Variants in SPOCK3 observed in about 807,000 individuals in gnomAD.
The protein encoded by SPOCK3 is testican-3.
A neutral mutation model predicts 56.6 loss-of-function variants in SPOCK3; 30 were observed. The observed-to-expected ratio is 0.53, with a 90% CI of 0.40 to 0.72. The LOEUF (loss-of-function observed/expected upper bound fraction) is 0.72. Among genes scored for constraint, SPOCK3 ranks in the 30% least tolerant of loss-of-function variants. The pLI, the probability that SPOCK3 is intolerant of heterozygous loss-of-function variation, is 0.00. For synonymous variants in SPOCK3, 196 were observed against 183.3 expected (o/e 1.07, Z -0.56); for missense variants, 527 against 530.0 (o/e 0.99, Z 0.06).
chr4:166,793,698 G>T (rs1741595263), intron 6 of SPOCK3, among the ~76,000 whole-genome samples: 1 of 152,118 alleles, frequency 6.6e-6, no homozygotes, highest in Non-Finnish European at 1.5e-5. Flanking sequence ...AAACTTCCAT[G>T]GGGGAAGGTA....
intron 7 of SPOCK3, among the ~76,000 whole-genome samples, chr4:166,763,662 G>A (rs1323355890): frequency 6.6e-6 from 1 of 151,986 alleles, no homozygotes; most frequent in Non-Finnish European, 1.5e-5. Flanking sequence ...GCTGGGGTAG[G>A]GAGGGTAGTG....
At chr4:166,949,112 C>G (rs1057457106) in intron 4 of SPOCK3, among the ~76,000 whole-genome samples, 4 of 152,164 alleles carry the variant, frequency 2.6e-5, no homozygotes, top group African/African-American at 9.7e-5. Context: ...ATCGCTGATA[C>G]CCTTTCTTCC....
Position 167,062,547 on chromosome 4 carries a change from A to G in SPOCK3, c.190-10T>C, listed in dbSNP as rs751224117. The stretch of plus-strand genomic sequence containing the variant: ...TGCGGAAATAATCATCCTAAGGGGG[A>G]AAATAATGTGAATTGAGTGTATACA... On this transcript the variant is annotated splice_polypyrimidine_tract_variant and intron_variant, in intron 2 of 10. Coordinates refer to ENST00000357545, the MANE Select transcript of SPOCK3 (RefSeq NM_001040159.2). 6.3e-7 allele frequency: 1 copy of G among 1,599,460 alleles called. No individual in the cohort carries two copies. The highest frequency in any genetic ancestry group is 8.6e-7 in the Non-Finnish European group (1 of 1,169,084).
At chr4:167,055,711 G>A (rs922358128) in intron 3 of SPOCK3, among the ~76,000 whole-genome samples, 4 of 152,222 alleles carry the variant, frequency 2.6e-5, no homozygotes. Flanking sequence ...TAGCACAGCA[G>A]TCTGAGATCA....
intron 5 of SPOCK3, among the ~76,000 whole-genome samples, chr4:166,897,133 A>G (rs1735479426): frequency 1.3e-5 from 2 of 152,048 alleles, no homozygotes; most frequent in Non-Finnish European, 2.9e-5. Context: ...ATTGTATCAG[A>G]TTTTCCAGGA....
intron 6 of SPOCK3, among the ~76,000 whole-genome samples, chr4:166,880,191 A>AGTTACTACTGATATTCTATAT (rs1685613552): frequency 1.3e-5 from 2 of 152,178 alleles, no homozygotes; most frequent in South Asian, 4.1e-4. Context: ...CTTTTTCTAT[A>AGTTACTACTGATATTCTATAT]GTTACTACTG....
intron 6 of SPOCK3, among the ~76,000 whole-genome samples, chr4:166,867,624 T>C (rs970713498): frequency 6.9e-6 from 1 of 145,946 alleles, no homozygotes; most frequent in African/African-American, 2.4e-5. Flanking sequence ...GTAAAAATAA[T>C]TAATTACAGG....
intron 6 of SPOCK3, among the ~76,000 whole-genome samples, chr4:166,880,738 C>G (rs1223166911): frequency 6.6e-6 from 1 of 152,114 alleles, no homozygotes; most frequent in Non-Finnish European, 1.5e-5. Context: ...ATTTAGCTTC[C>G]TAAACATTTC....
intron 2 of SPOCK3, among the ~76,000 whole-genome samples, chr4:167,144,694 G>A (rs116681100): frequency 0.017 from 2,511 of 148,818 alleles, 65 homozygotes; most frequent in African/African-American, 0.058. Context: ...TGAAAGAAAT[G>A]TGAAGGACAG....
chr4:166,778,790 C>T (rs544652524), intron 7 of SPOCK3, among the ~76,000 whole-genome samples: 6 of 151,478 alleles, frequency 4.0e-5, no homozygotes, highest in African/African-American at 1.2e-4. Context: ...TTGTAGTCTG[C>T]GTGTTGAGGA....
intron 4 of SPOCK3, among the ~76,000 whole-genome samples, chr4:166,963,726 A>G (rs1489380039): frequency 6.6e-6 from 1 of 152,134 alleles, no homozygotes; most frequent in East Asian, 1.9e-4. Context: ...GCCTTTGGCT[A>G]ACATTATTTA....
At chr4:167,001,015 T>G (rs1223198502) in intron 3 of SPOCK3, among the ~76,000 whole-genome samples, 1 of 152,194 alleles carries the variant, frequency 6.6e-6, no homozygotes, top group East Asian at 1.9e-4. Flanking sequence ...TTTACATCAT[T>G]TGTGCATAAT....
At chr4:167,103,353 G>C (rs771139427) in intron 2 of SPOCK3, among the ~76,000 whole-genome samples, 5 of 152,046 alleles carry the variant, frequency 3.3e-5, no homozygotes, top group Non-Finnish European at 5.9e-5. Context: ...GTCTGCCCTG[G>C]ACCAGAGGGT....
At chr4:167,048,772 T>C (rs1328905147) in intron 3 of SPOCK3, among the ~76,000 whole-genome samples, 1 of 152,162 alleles carries the variant, frequency 6.6e-6, no homozygotes, top group East Asian at 1.9e-4. Context: ...GCAGTCATAG[T>C]ATATTTATTT....
intron 2 of SPOCK3, among the ~76,000 whole-genome samples, chr4:167,105,844 T>C (rs1461579479): frequency 2.0e-5 from 3 of 151,820 alleles, no homozygotes; most frequent in Non-Finnish European, 4.4e-5. Flanking sequence ...GGAGTAGTTA[T>C]ATAAGACAAA....
At chr4:166,894,065 TA>T (rs1735079614) in intron 5 of SPOCK3, among the ~76,000 whole-genome samples, 1 of 152,078 alleles carries the variant, frequency 6.6e-6, no homozygotes, top group Non-Finnish European at 1.5e-5. Context: ...CACAGGAAGT[TA>T]AACATAGTAA....
At chr4:167,068,304 A>G (rs1236958544) in intron 2 of SPOCK3, among the ~76,000 whole-genome samples, 1 of 146,238 alleles carries the variant, frequency 6.8e-6, no homozygotes, top group Non-Finnish European at 1.5e-5. Flanking sequence ...CTCTGATTTC[A>G]ACTCTGACTT....
At chr4:166,954,289 C>T (rs1743114796) in intron 4 of SPOCK3, among the ~76,000 whole-genome samples, 1 of 152,048 alleles carries the variant, frequency 6.6e-6, no homozygotes, top group African/African-American at 2.4e-5. Context: ...CCTTGCTGTA[C>T]AGAAGCTTAT....
intron 2 of SPOCK3, among the ~76,000 whole-genome samples, chr4:167,196,925 A>AT (rs35060646): frequency 2.0e-5 from 3 of 152,080 alleles, no homozygotes; most frequent in African/African-American, 7.2e-5. Flanking sequence ...TATATGATTT[A>AT]TTTTTGCCAT....
Sources: allele counts gnomAD v4.1 joint callset (sites outside exome capture counted in the v4.1 genomes callset), GRCh38; gene constraint gnomAD v4.1.1; transcripts MANE v1.5; gene names NCBI Gene and HGNC (gene_info 2026-07-23, HGNC 2026-07-21).